The following CD163L1 variants were observed in gnomAD, a reference collection of about 807,000 sequenced individuals.
CD163L1 encodes CD163 molecule like 1.
Under a neutral mutation model 165.4 loss-of-function variants are expected in CD163L1, and 124 were observed. That is an observed-to-expected ratio of 0.75 (90% CI 0.65 to 0.87). CD163L1 has a LOEUF of 0.87. Among genes scored for constraint, CD163L1 ranks in the 40% least tolerant of loss-of-function variants. The pLI, the probability that CD163L1 is intolerant of heterozygous loss-of-function variation, is 0.00. For synonymous variants in CD163L1, 585 were observed against 662.2 expected, an observed-to-expected ratio of 0.88 and a Z score of 1.79; for missense variants, 1,525 against 1,799.9, an observed-to-expected ratio of 0.85 and a Z score of 2.76.
chr12:7,434,601 TGTTA>T (rs1948690208), intron 2 of CD163L1, among the ~76,000 whole-genome samples: 1 of 151,258 alleles, frequency 6.6e-6, no homozygotes, highest in South Asian at 2.1e-4. Context: ...TGAGAGGGTG[TGTTA>T]GTAAGAAGAG....
Position 7,398,690 on chromosome 12 carries a change from G to T in CD163L1, c.1409-106C>A. ...GACTATAAGGCTTTGCCTAACAGGT[G>T]ATATATTAGGCACACTTTTGAATGA... On this transcript the variant is annotated intron_variant, in intron 6 of 19. Transcript: ENST00000313599. The surrounding 1 kb of genome is among the most constrained non-coding windows in gnomAD (Gnocchi z 4.5). 2.3e-6 allele frequency: 2 copies of T among 878,832 alleles called. No individual in the cohort carries two copies. The highest frequency in any genetic ancestry group is 3.3e-6 in the Non-Finnish European group (2 of 610,494). 54.4% of individuals were successfully genotyped at this position (878,832 alleles called of 1,614,324 possible).
intron 8 of CD163L1, among the ~76,000 whole-genome samples, chr12:7,392,972 G>C (rs1391744509): frequency 6.6e-6 from 1 of 152,000 alleles, no homozygotes; most frequent in African/African-American, 2.4e-5. Context: ...GATGGATTCA[G>C]AGCCGAATTC....
the CD163L1 span, among the ~76,000 whole-genome samples, chr12:7,341,522 T>C: frequency 1.3e-5 from 2 of 152,220 alleles, no homozygotes; most frequent in Admixed American, 6.5e-5. Flanking sequence ...CCTAACATGA[T>C]AGCTCTAAGT....
chr12:7,377,130 T>C (rs1029372312), intron 9 of CD163L1, among the ~76,000 whole-genome samples: 5 of 152,204 alleles, frequency 3.3e-5, no homozygotes, highest in African/African-American at 9.7e-5. Context: ...TCTTCAAACA[T>C]ATCAGGCATA....
chr12:7,430,588 T>A (rs943620658), intron 4 of CD163L1, among the ~76,000 whole-genome samples: 7 of 152,138 alleles, frequency 4.6e-5, no homozygotes, highest in African/African-American at 1.7e-4. Flanking sequence ...ATAATTCCCA[T>A]CCCTCTGGTA....
chr12:7,439,139 C>A (rs2136650912), intron 2 of CD163L1: 3 of 1,574,822 alleles, frequency 1.9e-6, no homozygotes, highest in East Asian at 4.5e-5. Flanking sequence ...CTCTTCTCTG[C>A]TGTCGGAATG....
At chr12:7,439,899 T>C (rs752372446) in intron 2 of CD163L1, 8 of 1,599,820 alleles carry the variant, frequency 5.0e-6, no homozygotes, top group Non-Finnish European at 6.0e-6. Context: ...CTACTCCAAC[T>C]CCTTCTTCGA....
chr12:7,365,312 A>G (rs1350677582), intron 18 of CD163L1, among the ~76,000 whole-genome samples: 4 of 152,140 alleles, frequency 2.6e-5, no homozygotes, highest in Non-Finnish European at 5.9e-5. Context: ...CTATGAAACA[A>G]TTAGAAGAAA....
At chr12:7,440,580 A>AT (rs1166110951) in intron 2 of CD163L1, among the ~76,000 whole-genome samples, 2 of 148,204 alleles carry the variant, frequency 1.3e-5, no homozygotes, top group African/African-American at 2.5e-5. Flanking sequence ...CAATATCCAT[A>AT]TTTTTTCAGT....
intron 4 of CD163L1, among the ~76,000 whole-genome samples, chr12:7,425,689 T>C (rs1398153339): frequency 1.3e-5 from 2 of 151,948 alleles, no homozygotes; most frequent in Non-Finnish European, 2.9e-5. Flanking sequence ...GACATTATGT[T>C]GGCCACATAA....
chr12:7,437,539 A>G (rs1227423076), intron 2 of CD163L1, among the ~76,000 whole-genome samples: 1 of 151,600 alleles, frequency 6.6e-6, no homozygotes, highest in Non-Finnish European at 1.5e-5. Flanking sequence ...CCTGTGTCCA[A>G]GTGATCTCAT....
intron 8 of CD163L1, among the ~76,000 whole-genome samples, chr12:7,391,733 A>G (rs1947657770): frequency 6.6e-6 from 1 of 152,210 alleles, no homozygotes; most frequent in Admixed American, 6.5e-5. Context: ...AGGAAGATCT[A>G]CCAAACAACT....
At chr12:7,389,287 C>T (rs1947592003) in intron 8 of CD163L1, among the ~76,000 whole-genome samples, 1 of 152,156 alleles carries the variant, frequency 6.6e-6, no homozygotes, top group Admixed American at 6.5e-5. Context: ...GTCTTTTGGA[C>T]ACAAACCATT....
At chr12:7,402,619 G>A (rs980148619) in intron 6 of CD163L1, among the ~76,000 whole-genome samples, 24 of 149,558 alleles carry the variant, frequency 1.6e-4, no homozygotes, top group African/African-American at 5.6e-4. Context: ...ATGCTGTCTC[G>A]ATTTTATTTA....
intron 8 of CD163L1, among the ~76,000 whole-genome samples, chr12:7,395,172 T>A (rs1167789268): frequency 6.6e-6 from 1 of 152,154 alleles, no homozygotes; most frequent in African/African-American, 2.4e-5. Flanking sequence ...CTATTCACAA[T>A]AGCAAAGACT....
chr12:7,419,167 G>T (rs1565807432), intron 4 of CD163L1, among the ~76,000 whole-genome samples: 1 of 152,014 alleles, frequency 6.6e-6, no homozygotes, highest in Non-Finnish European at 1.5e-5. Flanking sequence ...AATCCACCAT[G>T]ATCAAGTGGG....
At chr12:7,433,041 G>A (rs1458464305) in intron 3 of CD163L1, among the ~76,000 whole-genome samples, 4 of 151,968 alleles carry the variant, frequency 2.6e-5, no homozygotes, top group African/African-American at 9.7e-5. Context: ...ATGAAAAAAG[G>A]CACTTAAATC....
At chr12:7,323,467 T>C in the CD163L1 span, 8 of 1,613,732 alleles carry the variant, frequency 5.0e-6, no homozygotes, top group Non-Finnish European at 6.8e-6. Flanking sequence ...AGATTATAGA[T>C]GAAAATGGCA....
intron 2 of CD163L1, among the ~76,000 whole-genome samples, chr12:7,438,229 G>A (rs1266209201): frequency 1.3e-5 from 2 of 151,968 alleles, no homozygotes; most frequent in Non-Finnish European, 2.9e-5. Flanking sequence ...TGGAAATAAT[G>A]GATGAAAAAA....
Sources: allele counts gnomAD v4.1 joint callset (sites outside exome capture counted in the v4.1 genomes callset), GRCh38; gene constraint gnomAD v4.1.1; non-coding constraint Gnocchi (gnomAD v3.1); transcripts MANE v1.5; gene names NCBI Gene and HGNC (gene_info 2026-07-23, HGNC 2026-07-21).